The following ASAP1 variants were observed in gnomAD, a reference collection of about 807,000 sequenced individuals.
ASAP1 encodes arf-GAP with SH3 domain, ANK repeat and PH domain-containing protein 1.
Under a neutral mutation model 145.2 loss-of-function variants are expected in ASAP1, and 43 were observed. The observed-to-expected ratio is 0.30, with a 90% confidence interval of 0.23 to 0.38. The LOEUF is 0.38. Among genes scored for constraint, ASAP1 ranks in the 10% least tolerant of loss-of-function variants. The pLI, the probability that ASAP1 is intolerant of heterozygous loss-of-function variation, is 1.00. For missense variants in ASAP1, 1,018 were observed against 1,355.3 expected (o/e 0.75, Z 3.91); for synonymous variants, 546 against 515.5 (o/e 1.06, Z -0.80).
At chr8:130,242,272 A>AAC (rs1230168039) in intron 3 of ASAP1, among the ~76,000 whole-genome samples, 33 of 149,650 alleles carry the variant, frequency 2.2e-4, no homozygotes, top group Admixed American at 1.3e-3. Flanking sequence ...AAAAAAAAAA[A>AAC]AAAAAAAAAA....
At chr8:130,410,296 G>A (rs1211455467) in intron 1 of ASAP1, among the ~76,000 whole-genome samples, 1 of 152,122 alleles carries the variant, frequency 6.6e-6, no homozygotes, top group Non-Finnish European at 1.5e-5. Context: ...TACTATAAGC[G>A]ATTAATAAAT....
intron 2 of ASAP1, among the ~76,000 whole-genome samples, chr8:130,370,742 A>G (rs1223715889): frequency 6.6e-6 from 1 of 152,252 alleles, no homozygotes; most frequent in Non-Finnish European, 1.5e-5. Flanking sequence ...AAGTACTGGC[A>G]CATGCTACAA....
In ASAP1 at chr8:130,434,004, C is replaced by G. The variant is rs10098396; in HGVS notation, c.-28+9456G>C. On this transcript the variant is annotated intron_variant, in intron 1 of 29. Transcript: ENST00000518721. ...AAGAGTATGGGTATTGAACACAGAT[C>G]GCCTTGCTTAAAATCTTGCCAATTA... 3.9e-5 allele frequency among the ~76,000 whole-genome samples: 6 copies of G among 152,092 alleles called. 1 individual carries two copies. Among genetic ancestry groups the G allele is most frequent in the African/African-American group, 1.4e-4 (6 of 41,470 alleles).
chr8:130,115,134 A>G (rs1022420282), intron 23 of ASAP1, among the ~76,000 whole-genome samples: 1 of 152,206 alleles, frequency 6.6e-6, no homozygotes, highest in Admixed American at 6.5e-5. Context: ...ATGTTGCTGT[A>G]AAGGAATTTT....
chr8:130,233,900 G>A (rs1435813816), intron 4 of ASAP1, among the ~76,000 whole-genome samples: 1 of 152,102 alleles, frequency 6.6e-6, no homozygotes, highest in Non-Finnish European at 1.5e-5. Flanking sequence ...CATAGTACTA[G>A]TCTTATCAAA....
intron 13 of ASAP1, 126 bp downstream of exon 13, chr8:130,152,610 T>A: frequency 1.2e-5 from 6 of 514,860 alleles, no homozygotes; most frequent in Non-Finnish European, 1.6e-5. Flanking sequence ...TTTTTTTTGG[T>A]AAAGGAATAT....
chr8:130,359,709 C>T (rs556903822), intron 2 of ASAP1, among the ~76,000 whole-genome samples: 2 of 151,946 alleles, frequency 1.3e-5, no homozygotes, highest in East Asian at 1.9e-4. Flanking sequence ...CTGCAAGCTC[C>T]GCTTCCCGGG....
At chr8:130,139,936 C>A (rs1180959776) in intron 13 of ASAP1, among the ~76,000 whole-genome samples, 16 of 142,208 alleles carry the variant, frequency 1.1e-4, no homozygotes, top group South Asian at 2.3e-4. Flanking sequence ...AAAAAAAAAA[C>A]AACAAAAAAA....
In ASAP1 at chr8:130,054,538, G is replaced by A. The variant is rs555385437; in HGVS notation, c.*193C>T. ...CAAACCAGTAAGGCGCGCCGGGTCC[G>A]AGGCTACCCTCATACTGGTGAAGGC... On this transcript the variant is annotated 3_prime_UTR_variant, in exon 30 of 30. Coordinates refer to ENST00000518721, the MANE Select transcript of ASAP1 (RefSeq NM_018482.4). The A allele has an allele frequency of 5.8e-5, 30 of 513,098 alleles. No individual in the cohort carries two copies. The highest frequency in any genetic ancestry group is 9.3e-5 in the Non-Finnish European group (26 of 278,812). The allele number at this position is 513,098 out of a possible 1,614,324, so 31.8% of individuals were successfully genotyped here.
intron 18 of ASAP1, chr8:130,118,902 G>T: frequency 3.8e-6 from 1 of 261,466 alleles, no homozygotes; most frequent in Non-Finnish European, 7.1e-6. Context: ...CAAAGTAAAC[G>T]GGCACATAAA....
At chr8:130,153,332 A>AATAT (rs67554567) in intron 12 of ASAP1, among the ~76,000 whole-genome samples, 4,637 of 87,224 alleles carry the variant, frequency 0.053, 226 homozygotes, top group African/African-American at 0.12. Context: ...CTGCTTTTTA[A>AATAT]ATATATATAT....
chr8:130,107,509 T>C (rs541336639), intron 24 of ASAP1, among the ~76,000 whole-genome samples: 5 of 132,496 alleles, frequency 3.8e-5, no homozygotes, highest in African/African-American at 1.4e-4. Context: ...TTTTTTTTTT[T>C]TAAAAAATGT....
intron 15 of ASAP1, among the ~76,000 whole-genome samples, chr8:130,132,639 C>A (rs1171250822): frequency 6.6e-6 from 1 of 152,204 alleles, no homozygotes; most frequent in African/African-American, 2.4e-5. Flanking sequence ...TGCACCATGT[C>A]GTACCAACAG....
chr8:130,298,889 T>A (rs1054969241), intron 3 of ASAP1, among the ~76,000 whole-genome samples: 2 of 152,180 alleles, frequency 1.3e-5, no homozygotes, highest in African/African-American at 4.8e-5. Flanking sequence ...TATTCATATG[T>A]CTGCCCGACC....
At chr8:130,342,395 C>T (rs148763206) in intron 3 of ASAP1, among the ~76,000 whole-genome samples, 2 of 152,184 alleles carry the variant, frequency 1.3e-5, no homozygotes, top group Non-Finnish European at 2.9e-5. Flanking sequence ...TGTAAAATAC[C>T]GTGGGTAAAG....
intron 2 of ASAP1, among the ~76,000 whole-genome samples, chr8:130,359,352 G>A (rs1050046778): frequency 6.6e-6 from 1 of 152,064 alleles, no homozygotes; most frequent in African/African-American, 2.4e-5. Context: ...TTGACAGATG[G>A]CTAATTTTAA....
chr8:130,192,592 G>A (rs1306636198), intron 5 of ASAP1, among the ~76,000 whole-genome samples: 1 of 152,170 alleles, frequency 6.6e-6, no homozygotes, highest in African/African-American at 2.4e-5. Context: ...GGGTAAGTAA[G>A]GTTGGGGGGC....
At chr8:130,180,557 T>C (rs1814284670) in intron 8 of ASAP1, among the ~76,000 whole-genome samples, 194 bp downstream of exon 8, 1 of 152,130 alleles carries the variant, frequency 6.6e-6, no homozygotes, top group Non-Finnish European at 1.5e-5. Flanking sequence ...GGGCCAAGGC[T>C]CAAAATATGA....
At chr8:130,155,547 A>G (rs1164655251) in intron 12 of ASAP1, among the ~76,000 whole-genome samples, 1 of 152,162 alleles carries the variant, frequency 6.6e-6, no homozygotes, top group Non-Finnish European at 1.5e-5. Context: ...TTGTAGAGAT[A>G]GGGTTTTGCC....
Sources: allele counts gnomAD v4.1 joint callset (sites outside exome capture counted in the v4.1 genomes callset), GRCh38; gene constraint gnomAD v4.1.1; transcripts MANE v1.5; gene names NCBI Gene and HGNC (gene_info 2026-07-23, HGNC 2026-07-21).